Variants in DCD observed in about 807,000 individuals in gnomAD.
DCD encodes dermcidin.
In DCD, 17 loss-of-function variants were observed where a neutral mutation model predicts 14.5. That is an observed-to-expected ratio of 1.18 (90% confidence interval 0.81 to 1.76). DCD has a LOEUF of 1.76. DCD is among the 40% of genes most tolerant of loss of function. The probability of loss-of-function intolerance (pLI) is 0.00; values close to 1 mark genes in which losing one functional copy is unlikely to be tolerated. For synonymous variants in DCD, 64 were observed against 54.0 expected, an observed-to-expected ratio of 1.19 and a Z score of -0.82; for missense variants, 139 against 133.4, an observed-to-expected ratio of 1.04 and a Z score of -0.21.
intron 1 of DCD, 25 bp from the exon 2 acceptor site, chr12:54,647,184 T>C (rs1306053191): frequency 3.2e-5 from 50 of 1,557,348 alleles, no homozygotes; most frequent in Non-Finnish European, 4.0e-5. Flanking sequence ...ACAGTGACCA[T>C]GTCAAGTAGG....
chr12:54,645,443 C>T (rs909419433), intron 3 of DCD, among the ~76,000 whole-genome samples, 163 bp downstream of exon 3: 1 of 152,152 alleles, frequency 6.6e-6, no homozygotes, highest in African/African-American at 2.4e-5. Context: ...ACCTATGGCC[C>T]AGAAACCCTG....
rs756103688 is a variant in DCD, at chr12:54,645,282, G to A, written c.200-20C>T. The A allele has an allele frequency of 6.2e-7, 1 of 1,610,282 alleles. No individual in the cohort carries two copies. The highest frequency in any genetic ancestry group is 8.5e-7 in the Non-Finnish European group (1 of 1,176,670). On this transcript the variant is annotated intron_variant, in intron 3 of 4. Coordinates refer to ENST00000293371, the MANE Select transcript of DCD (RefSeq NM_053283.4). Reference sequence around the variant, plus strand: ...CTTTTTCTAGGGTGGATTCAGAAAAGAAGAGGTCATAGAAGCAGAAAAACT... The same window carrying A: ...CTTTTTCTAGGGTGGATTCAGAAAAAAAGAGGTCATAGAAGCAGAAAAACT...
chr12:54,647,210 C>T, intron 1 of DCD, 51 bp from the exon 2 acceptor site: 1 of 1,534,754 alleles, frequency 6.5e-7, no homozygotes, highest in East Asian at 2.4e-5. Context: ...GTTGCATGAG[C>T]TGTATCCAGC....
chr12:54,647,066 C>G, intron 2 of DCD, 55 bp downstream of exon 2: 6 of 1,531,182 alleles, frequency 3.9e-6, no homozygotes, highest in Non-Finnish European at 4.4e-6. Flanking sequence ...ACTCATATCC[C>G]AAGTCATTAA....
chr12:54,645,564 A>G lies in DCD; in HGVS notation c.199+42T>C, dbSNP rs199849605. ...TGGCCCCCAGATATCTTGCTGTTTC[A>G]TGCATCAGAATTCTATACCAGGCAT... On this transcript the variant is annotated intron_variant, in intron 3 of 4. Transcript: ENST00000293371. The G allele has an allele frequency of 1.6e-4, 251 of 1,550,940 alleles. 1 individual carries two copies. In the Middle Eastern group the frequency reaches 4.2e-3, roughly 26 times the overall value.
chr12:54,645,708 C>A lies in DCD; in HGVS notation c.98-1G>T, dbSNP rs146289619. On this transcript the variant is annotated splice_acceptor_variant, in intron 2 of 4. Coordinates refer to ENST00000293371, the MANE Select transcript of DCD (RefSeq NM_053283.4). LOFTEE classifies it high-confidence loss of function. The stretch of plus-strand genomic sequence containing the variant: ...TGAGCTGCTGATGCTTCATGGCAAG[C>A]TGCAAGGGTAAGGGAGTGAGAGGAA... 1.2e-6 allele frequency: 2 copies of A among 1,613,380 alleles called. No individual in the cohort carries two copies. Among genetic ancestry groups the A allele is most frequent in the African/African-American group, 1.3e-5 (1 of 74,918 alleles).
intron 2 of DCD, 111 bp downstream of exon 2, chr12:54,647,010 C>G (rs1181846523): frequency 6.0e-6 from 7 of 1,170,374 alleles, no homozygotes; most frequent in Non-Finnish European, 8.3e-6. Flanking sequence ...GTCGGCCTCC[C>G]AACTCTCCTT....
At chr12:54,646,351 T>C (rs1431199333) in intron 2 of DCD, among the ~76,000 whole-genome samples, 1 of 151,866 alleles carries the variant, frequency 6.6e-6, no homozygotes, top group Non-Finnish European at 1.5e-5. Flanking sequence ...TTATCCAGAG[T>C]GTGTACATGG....
chr12:54,647,025 G>A (rs1164797522), intron 2 of DCD, 96 bp downstream of exon 2: 7 of 1,319,750 alleles, frequency 5.3e-6, no homozygotes, highest in Middle Eastern at 2.1e-4. Flanking sequence ...CTCCTTCCCC[G>A]GACCCCCCTT....
intron 2 of DCD, chr12:54,646,030 G>C: frequency 2.2e-6 from 1 of 455,624 alleles, no homozygotes; most frequent in Non-Finnish European, 4.4e-6. Flanking sequence ...CAGCCCCCTA[G>C]TGTGGGGAGG....
intron 2 of DCD, among the ~76,000 whole-genome samples, chr12:54,646,411 C>T (rs1236136011): frequency 2.6e-5 from 4 of 152,084 alleles, no homozygotes; most frequent in Admixed American, 6.6e-5. Flanking sequence ...CAGGGGCTTA[C>T]AGTCTAGGAA....
intron 4 of DCD, 42 bp from the exon 5 acceptor site, chr12:54,644,798 G>T: frequency 1.3e-6 from 2 of 1,582,816 alleles, no homozygotes; most frequent in Non-Finnish European, 1.7e-6. Context: ...GGGGTAGGAA[G>T]AAAAAAGGAA....
In DCD at chr12:54,645,700, A is replaced by T. The variant is rs1308414377; in HGVS notation, c.105T>A (p.His35Gln). Reference protein sequence around the residue: ...ASAPGSGNPCHEASAAQKENA... With the variant: ...ASAPGSGNPCQEASAAQKENA... ...TTTCCTTTTGAGCTGCTGATGCTTCATGGCAAGCTGCAAGGGTAAGGGAGT... is the reference window on the plus strand; with the variant it reads ...TTTCCTTTTGAGCTGCTGATGCTTCTTGGCAAGCTGCAAGGGTAAGGGAGT... Residue 35 changes from histidine (H) to glutamine (Q), a missense_variant, in exon 3 of 5, where the codon CAT becomes CAA. By Grantham distance (24) the His-to-Gln change is conservative. Coordinates refer to ENST00000293371, the MANE Select transcript of DCD (RefSeq NM_053283.4). 6.2e-7 allele frequency: 1 copy of T among 1,613,852 alleles called. No individual in the cohort carries two copies.
At chr12:54,647,082 C>T (rs376916229) in intron 2 of DCD, 39 bp downstream of exon 2, 2 of 1,547,532 alleles carry the variant, frequency 1.3e-6, no homozygotes, top group Non-Finnish European at 1.7e-6. Flanking sequence ...ATTAACCCTC[C>T]CACCCAGGAC....
intron 2 of DCD, 93 bp downstream of exon 2, chr12:54,647,028 C>G (rs1423760748): frequency 2.2e-6 from 3 of 1,347,524 alleles, no homozygotes; most frequent in Non-Finnish European, 3.0e-6. Context: ...CTTCCCCGGA[C>G]CCCCCTTCTG....
intron 2 of DCD, 104 bp from the exon 3 acceptor site, chr12:54,645,811 A>G (rs1435496518): frequency 1.2e-6 from 1 of 848,806 alleles, no homozygotes; most frequent in Admixed American, 2.1e-5. Flanking sequence ...GCTTGAGGAT[A>G]GCTCCCTCTC....
At chr12:54,645,080 G>T (rs1354408686) in intron 4 of DCD, 93 bp downstream of exon 4, 1 of 1,493,394 alleles carries the variant, frequency 6.7e-7, no homozygotes, top group Non-Finnish European at 9.3e-7. Flanking sequence ...AAAGTGAGGG[G>T]TCTTCAATGG....
intron 2 of DCD, 77 bp from the exon 3 acceptor site, chr12:54,645,784 T>G (rs1207167264): frequency 3.2e-6 from 4 of 1,249,350 alleles, no homozygotes; most frequent in Non-Finnish European, 4.7e-6. Context: ...GTGGTGCTTT[T>G]ACCCCCTCAA....
intron 3 of DCD, 32 bp from the exon 4 acceptor site, chr12:54,645,294 GA>G: frequency 1.2e-6 from 2 of 1,602,292 alleles, no homozygotes; most frequent in Admixed American, 1.7e-5. Context: ...AGAGGTCATA[GA>G]AGCAGAAAAA....
Sources: allele counts gnomAD v4.1 joint callset (sites outside exome capture counted in the v4.1 genomes callset), GRCh38; gene constraint gnomAD v4.1.1; transcripts MANE v1.5; gene names NCBI Gene and HGNC (gene_info 2026-07-23, HGNC 2026-07-21).